ZNF433: variants seen among roughly 807,000 people sequenced by gnomAD.
ZNF433 encodes zinc finger protein 433.
Under a neutral mutation model 10.6 loss-of-function variants are expected in ZNF433, and 12 were observed. That is an observed-to-expected ratio of 1.13 (90% CI 0.72 to 1.83). ZNF433 has a LOEUF of 1.83. ZNF433 is among the 40% of genes most tolerant of loss of function. The pLI is 0.00. For synonymous variants in ZNF433, 272 were observed against 271.3 expected (o/e 1.00, Z -0.02); for missense variants, 737 against 798.0 (o/e 0.92, Z 0.92).
intron 1 of ZNF433, among the ~76,000 whole-genome samples, chr19:12,031,306 A>T (rs202146626): frequency 7.6e-6 from 1 of 131,192 alleles, no homozygotes; most frequent in Non-Finnish European, 1.5e-5. Flanking sequence ...AAAAAAAAAA[A>T]AAAACAAAAC....
chr19:12,030,662 A>G (rs1974973359), intron 1 of ZNF433, among the ~76,000 whole-genome samples: 1 of 152,218 alleles, frequency 6.6e-6, no homozygotes, highest in Admixed American at 6.5e-5. Flanking sequence ...TAACAGAGAG[A>G]TGGAAATATA....
intron 1 of ZNF433, among the ~76,000 whole-genome samples, chr19:12,022,449 G>A (rs1002130357): frequency 2.0e-5 from 3 of 152,196 alleles, no homozygotes; most frequent in African/African-American, 7.2e-5. Context: ...ATTTCTCTGT[G>A]TGTGTCTTTA....
At chr19:12,019,987 A>G (rs1017446304) in intron 1 of ZNF433, among the ~76,000 whole-genome samples, 6 of 152,342 alleles carry the variant, frequency 3.9e-5, no homozygotes, top group Admixed American at 2.0e-4. Context: ...AAAGATGGGC[A>G]TAGGCCAGGT....
intron 1 of ZNF433, among the ~76,000 whole-genome samples, chr19:12,020,381 A>AT (rs1316548386): frequency 6.6e-6 from 1 of 152,238 alleles, no homozygotes; most frequent in East Asian, 1.9e-4. Context: ...GTCAACAGGC[A>AT]TAAGTATTTT....
chr19:12,026,018 A>G (rs948706470), intron 1 of ZNF433: 1 of 152,378 alleles, frequency 6.6e-6, no homozygotes, highest in African/African-American at 2.4e-5. Flanking sequence ...TATTGACTTT[A>G]AATTTTTTGA....
intron 1 of ZNF433, chr19:12,027,313 G>A (rs1974787812): frequency 3.2e-6 from 1 of 315,112 alleles, no homozygotes; most frequent in Non-Finnish European, 6.1e-6. Flanking sequence ...AGCCACCTTT[G>A]CTTTTATTGT....
chr19:12,033,838 C>G (rs1042637262), intron 1 of ZNF433, among the ~76,000 whole-genome samples: 2 of 151,892 alleles, frequency 1.3e-5, no homozygotes, highest in Admixed American at 6.6e-5. Flanking sequence ...AAAACAAAAA[C>G]AAAAACAAAT....
chr19:12,015,882 C>G lies in ZNF433; in HGVS notation c.976G>C (p.Glu326Gln). The G allele has an allele frequency of 2.5e-6, 4 of 1,613,860 alleles. No homozygotes were observed. The South Asian group carries it at 4.4e-5, about 18-fold the overall frequency. Residue 326 changes from glutamate to glutamine, a missense_variant, in exon 4 of 4, where the codon GAA (glutamate) becomes CAA (glutamine). Transcript: ENST00000550507. ...FKCPSSVRRH[E>Q]RTHSRKKPYE... ...GGTTTTTTCCTAGAGTGGGTTCTTT[C>G]ATGTCTGCGAACAGAACTGGGACAC...
intron 1 of ZNF433, chr19:12,025,708 A>T (rs279170): frequency 0.16 from 24,181 of 152,136 alleles, 4,535 homozygotes; most frequent in African/African-American, 0.46. Flanking sequence ...TCTCAGTCTG[A>T]CTGGGTTACA....
intron 1 of ZNF433, among the ~76,000 whole-genome samples, chr19:12,019,063 A>T (rs1364177308): frequency 6.7e-6 from 1 of 150,252 alleles, no homozygotes; most frequent in African/African-American, 2.5e-5. Context: ...AAAAAAAAAA[A>T]AAAAAAAAAA....
intron 1 of ZNF433, among the ~76,000 whole-genome samples, chr19:12,032,163 C>T (rs1975067627): frequency 6.6e-6 from 1 of 152,038 alleles, no homozygotes; most frequent in African/African-American, 2.4e-5. Context: ...TGGTCTCGAT[C>T]TCCTGACTTG....
chr19:12,034,832 T>C (rs1975202599), intron 1 of ZNF433: 2 of 417,712 alleles, frequency 4.8e-6, no homozygotes, highest in Non-Finnish European at 9.0e-6. Flanking sequence ...ACTTACACCT[T>C]TCCAGGCATT....
At chr19:12,026,644 C>A in intron 1 of ZNF433, 1 of 450,804 alleles carries the variant, frequency 2.2e-6, no homozygotes, top group Non-Finnish European at 4.4e-6. Context: ...AGGCATACTG[C>A]CCTCAAAAAA....
intron 1 of ZNF433, chr19:12,034,946 C>A: frequency 2.4e-5 from 11 of 454,262 alleles, no homozygotes; most frequent in South Asian, 1.6e-4. Flanking sequence ...TTGTGTTTTC[C>A]TCAGCTGAGG....
chr19:12,028,969 GAAGTCCCAAA>G (rs1974870953), intron 1 of ZNF433, among the ~76,000 whole-genome samples: 1 of 152,008 alleles, frequency 6.6e-6, no homozygotes, highest in South Asian at 2.1e-4. Flanking sequence ...TAATTTTCTT[GAAGTCCCAAA>G]AAGTCTCAGA....
chr19:12,032,812 C>T (rs1188531680), intron 1 of ZNF433, among the ~76,000 whole-genome samples: 1 of 152,090 alleles, frequency 6.6e-6, no homozygotes, highest in Non-Finnish European at 1.5e-5. Context: ...TCTTTCTGGC[C>T]TGTGTGTAAA....
At chr19:12,035,410 G>GTC (rs1975243395) in intron 1 of ZNF433, 127 bp downstream of exon 1, 1 of 1,362,770 alleles carries the variant, frequency 7.3e-7, no homozygotes, top group African/African-American at 1.5e-5. Context: ...GGGCCGAGCT[G>GTC]TCCCACGGGA....
intron 1 of ZNF433, among the ~76,000 whole-genome samples, chr19:12,020,975 T>TTG (rs981639481): frequency 7.3e-5 from 11 of 150,878 alleles, no homozygotes; most frequent in African/African-American, 2.7e-4. Context: ...CTTTACTGTT[T>TTG]TTTTTTTTTT....
chr19:12,019,347 A>C (rs1398260239), intron 1 of ZNF433, among the ~76,000 whole-genome samples: 1 of 152,002 alleles, frequency 6.6e-6, no homozygotes. Flanking sequence ...TTGAACCCAG[A>C]AGTTGGAGGT....
Sources: allele counts gnomAD v4.1 joint callset (sites outside exome capture counted in the v4.1 genomes callset), GRCh38; gene constraint gnomAD v4.1.1; transcripts MANE v1.5; gene names NCBI Gene and HGNC (gene_info 2026-07-23, HGNC 2026-07-21).